Variants in FAM131B observed in about 807,000 individuals in gnomAD.
The protein encoded by FAM131B is protein FAM131B.
FAM131B carries 19 observed loss-of-function variants against 42.0 expected under a neutral mutation model. The observed-to-expected ratio is 0.45, with a 90% CI of 0.32 to 0.66. FAM131B has a LOEUF of 0.66. FAM131B is among the 30% of genes least tolerant of loss of function. The pLI, the probability that FAM131B is intolerant of heterozygous loss-of-function variation, is 0.05. For synonymous variants in FAM131B, 183 were observed against 177.6 expected, an observed-to-expected ratio of 1.03 and a Z score of -0.24; for missense variants, 370 against 468.4, an observed-to-expected ratio of 0.79 and a Z score of 1.94.
Position 143,359,754 on chromosome 7 carries a change from T to C in FAM131B, c.152A>G (p.Asp51Gly). The change falls in exon 3 of 7, where the codon GAT becomes GGT. Residue 51 changes from aspartate to glycine, a missense_variant. Asp to Gly is a moderately conservative substitution (Grantham distance 94, BLOSUM62 -1). Coordinates refer to ENST00000443739, the MANE Select transcript of FAM131B (RefSeq NM_001031690.3). The surrounding 1 kb of genome is among the most constrained non-coding windows in gnomAD (Gnocchi z 5.4). ...CACGTTGATGCCGTCCCAGGAGAAA[T>C]CAGTTCGAGTTTGCTGTGAGGAGAG... Reference protein sequence around the residue: ...HRPSTEQTRTDFSWDGINLSM... With the variant: ...HRPSTEQTRTGFSWDGINLSM... The C allele has an allele frequency of 6.4e-7, 1 of 1,570,354 alleles. No homozygotes were observed. The highest frequency in any genetic ancestry group is 8.6e-7 in the Non-Finnish European group (1 of 1,157,290).
the FAM131B span, chr7:143,380,771 C>T: frequency 2.4e-3 from 2,354 of 985,378 alleles, 4 homozygotes; most frequent in Non-Finnish European, 2.7e-3. The surrounding 1 kb of genome is among the most constrained non-coding windows in gnomAD (Gnocchi z 5.0). Context: ...CGCCCCGCTC[C>T]TCACCCCCCA....
In FAM131B at chr7:143,362,237, G is replaced by T. The variant is rs1804035863; in HGVS notation, c.28+339C>A. Among the ~76,000 whole-genome samples the T allele has an allele frequency of 6.6e-6, 1 of 152,138 alleles. No individual in the cohort carries two copies. The highest frequency in any genetic ancestry group is 2.4e-5 in the African/African-American group (1 of 41,440). The stretch of plus-strand genomic sequence containing the variant: ...AGGCGCTGGGGACGGCGGAGCAGAG[G>T]CGGATGGCCTGGAGGGGCAGGGATG... On this transcript the variant is annotated intron_variant, in intron 1 of 6. Coordinates refer to ENST00000443739, the MANE Select transcript of FAM131B (RefSeq NM_001031690.3). This position sits in a 1 kb window ranked among gnomAD's most constrained non-coding sequence, Gnocchi z 7.7.
the FAM131B span, chr7:143,381,141 G>T: frequency 1.0e-6 from 1 of 955,506 alleles, no homozygotes; most frequent in Non-Finnish European, 1.2e-6. Flanking sequence ...GGACCTCGGC[G>T]GAGCCTCCGG....
At position 143,353,719 on chromosome 7, in the gene FAM131B, G is replaced by A. The variant is rs140959798; in HGVS notation, c.*2831C>T. 845 of 152,540 alleles carry A rather than the reference G, an allele frequency of 5.5e-3. 24 individuals carry two copies. Among genetic ancestry groups the A allele is most frequent in the Non-Finnish European group, 1.8e-3 (121 of 68,010 alleles). The allele number at this position is 152,540 out of a possible 1,614,324, so 9.4% of individuals were successfully genotyped here. A position where few individuals can be genotyped will look rare whatever the true frequency, so the allele number is the denominator to read the frequency against. On this transcript the variant is annotated 3_prime_UTR_variant, in exon 7 of 7. Coordinates refer to ENST00000443739, the MANE Select transcript of FAM131B (RefSeq NM_001031690.3). ...GTGTGTGGGATGTATAGGTGAGGTC[G>A]TGGAGAAGATAATAAACTCATTCCC...
At chr7:143,373,477 A>G in the FAM131B span, among the ~76,000 whole-genome samples, 2 of 152,202 alleles carry the variant, frequency 1.3e-5, no homozygotes, top group East Asian at 3.8e-4. Flanking sequence ...GATTTTAGGA[A>G]GGAGGGAGGG....
At chr7:143,375,602 A>C in the FAM131B span, among the ~76,000 whole-genome samples, 22 of 152,148 alleles carry the variant, frequency 1.4e-4, no homozygotes, top group African/African-American at 1.9e-4. Context: ...AGTTCAGCCT[A>C]GTGGGTTTCT....
the FAM131B span, chr7:143,380,322 T>C: frequency 1.0e-6 from 1 of 984,164 alleles, no homozygotes; most frequent in Non-Finnish European, 1.2e-6. The surrounding 1 kb of genome is among the most constrained non-coding windows in gnomAD (Gnocchi z 5.0). Context: ...AGAAATCCAG[T>C]CTGGCCAGTA....
the FAM131B span, among the ~76,000 whole-genome samples, chr7:143,372,790 C>G: frequency 6.6e-6 from 1 of 152,062 alleles, no homozygotes; most frequent in African/African-American, 2.4e-5. Context: ...GAAACCTCGT[C>G]TCTACTAAAA....
chr7:143,363,313 C>G (rs1225594199), upstream of FAM131B, among the ~76,000 whole-genome samples: 1 of 152,112 alleles, frequency 6.6e-6, no homozygotes, highest in Non-Finnish European at 1.5e-5. Flanking sequence ...GCTGGACATT[C>G]AGGGGTGGGT....
the FAM131B span, among the ~76,000 whole-genome samples, chr7:143,370,501 G>A: frequency 3.3e-5 from 5 of 152,138 alleles, no homozygotes; most frequent in African/African-American, 9.7e-5. Flanking sequence ...ACAAGACATA[G>A]GTCATAAAGA....
chr7:143,356,135 G>A lies in FAM131B; in HGVS notation c.*415C>T, dbSNP rs1803635653. On this transcript the variant is annotated 3_prime_UTR_variant, in exon 7 of 7. Coordinates refer to ENST00000443739, the MANE Select transcript of FAM131B (RefSeq NM_001031690.3). The surrounding 1 kb of genome is among the most constrained non-coding windows in gnomAD (Gnocchi z 4.4). ...GAGTTGGGAAAAGCAAGAGTGAAAT[G>A]GAGAAAGGAGGCATTCAGACAGCAG... 5.1e-6 allele frequency: 1 copy of A among 194,398 alleles called. No homozygotes were observed. Among genetic ancestry groups the A allele is most frequent in the African/African-American group, 2.4e-5 (1 of 42,504 alleles). The allele number at this position is 194,398 out of a possible 1,614,324, so 12.0% of individuals were successfully genotyped here.
Position 143,357,296 on chromosome 7 carries a change from T to C in FAM131B, c.594A>G (p.Glu198=). The part of the protein sequence containing the change: ...LGCNYSDNYQ[E]LMDSQDALAQ... ...ATCTCTCACCCTGACTGTCCATCAG[T>C]TCCTGGTAGTTGTCACTGTAGTTGC... The change falls in exon 6 of 7, where the codon GAA becomes GAG. Residue 198 remains glutamate (E), a synonymous_variant. Transcript: ENST00000443739. 1 of 1,614,208 alleles carries C rather than the reference T, an allele frequency of 6.2e-7. No individual in the cohort carries two copies. The highest frequency in any genetic ancestry group is 2.2e-5 in the East Asian group (1 of 44,888).
At chr7:143,360,389 T>C in intron 1 of FAM131B, 1 of 1,377,008 alleles carries the variant, frequency 7.3e-7, no homozygotes, top group Non-Finnish European at 9.4e-7. Context: ...TTGTTGTTTA[T>C]GTGGAGGGGT....
rs1803705325 is a variant in FAM131B, at chr7:143,357,200, A to G, written c.610+80T>C. 2.0e-5 allele frequency: 29 copies of G among 1,456,120 alleles called. No individual in the cohort carries two copies. The Admixed American group carries it at 5.1e-4, about 26-fold the overall frequency. 90.2% of individuals were successfully genotyped at this position (1,456,120 alleles called of 1,614,324 possible). On this transcript the variant is annotated intron_variant, in intron 6 of 6. Coordinates refer to ENST00000443739, the MANE Select transcript of FAM131B (RefSeq NM_001031690.3). The stretch of plus-strand genomic sequence containing the variant: ...GAGATGGACAAGGAAGTCTTAAAAG[A>G]ACGGAGCTGAGTGGAGGCAGCTGAG...
chr7:143,373,365 G>C, the FAM131B span, among the ~76,000 whole-genome samples: 2 of 152,236 alleles, frequency 1.3e-5, no homozygotes, highest in Admixed American at 6.5e-5. Context: ...CTGGGTGACA[G>C]AGCAAGAGAA....
chr7:143,362,550 T>A lies in FAM131B; in HGVS notation c.28+26A>T. ...GAGGGCGGCCCGGGGGGCCCAGCCCTGCCCCCGCCCGGCCGCGGTACCCAC... is the reference window on the plus strand; with the variant it reads ...GAGGGCGGCCCGGGGGGCCCAGCCCAGCCCCCGCCCGGCCGCGGTACCCAC... On this transcript the variant is annotated intron_variant, in intron 1 of 6. Transcript: ENST00000443739. This position sits in a 1 kb window ranked among gnomAD's most constrained non-coding sequence, Gnocchi z 7.7. 1 of 1,191,334 alleles carries A rather than the reference T, an allele frequency of 8.4e-7. No homozygotes were observed. The highest frequency in any genetic ancestry group is 1.0e-6 in the Non-Finnish European group (1 of 955,140). The allele number at this position is 1,191,334 out of a possible 1,614,324, so 73.8% of individuals were successfully genotyped here.
chr7:143,381,770 C>A, the FAM131B span: 2 of 1,575,378 alleles, frequency 1.3e-6, no homozygotes, highest in Non-Finnish European at 1.7e-6. Context: ...TCCCCCGCCG[C>A]CCCCGGAAGG....
At chr7:143,374,192 C>T in the FAM131B span, among the ~76,000 whole-genome samples, 4 of 152,180 alleles carry the variant, frequency 2.6e-5, no homozygotes, top group South Asian at 4.2e-4. Context: ...CCTGGATATC[C>T]TACTGCCCAC....
At chr7:143,375,292 G>A in the FAM131B span, among the ~76,000 whole-genome samples, 2 of 152,128 alleles carry the variant, frequency 1.3e-5, no homozygotes, top group Admixed American at 1.3e-4. Context: ...AGGCACACTG[G>A]AACAACTTTG....
Sources: allele counts gnomAD v4.1 joint callset (sites outside exome capture counted in the v4.1 genomes callset), GRCh38; gene constraint gnomAD v4.1.1; non-coding constraint Gnocchi (gnomAD v3.1); transcripts MANE v1.5; gene names NCBI Gene and HGNC (gene_info 2026-07-23, HGNC 2026-07-21).